Variants in IARS2 observed in about 807,000 individuals in gnomAD.
IARS2 encodes the protein isoleucyl-tRNA synthetase 2, mitochondrial.
Under a neutral mutation model 126.3 loss-of-function variants are expected in IARS2, and 56 were observed. That is an observed-to-expected ratio of 0.44 (90% CI 0.36 to 0.55). IARS2 has a LOEUF of 0.55. Ranked by LOEUF, IARS2 falls within the 20% of genes least tolerant of loss-of-function variation. IARS2 has a pLI of 0.00. For missense variants in IARS2, 1,127 were observed against 1,245.9 expected, an observed-to-expected ratio of 0.90 and a Z score of 1.44; for synonymous variants, 407 against 441.1, an observed-to-expected ratio of 0.92 and a Z score of 0.97.
At chr1:220,115,596 T>C (rs1449114609) in intron 12 of IARS2, among the ~76,000 whole-genome samples, 1 of 152,048 alleles carries the variant, frequency 6.6e-6, no homozygotes, top group Non-Finnish European at 1.5e-5. Context: ...TTATTATAAG[T>C]GATTTATAGT....
rs1657012173 is a variant in IARS2, at chr1:220,120,315, C to T, written c.1641-4922C>T. 2.6e-5 allele frequency among the ~76,000 whole-genome samples: 4 copies of T among 151,420 alleles called. No individual in the cohort carries two copies. The South Asian group carries it at 8.3e-4, about 31-fold the overall frequency. On this transcript the variant is annotated intron_variant, in intron 12 of 22. Transcript: ENST00000366922. ...CAGGCTGGTCTCGAACTCCCCACCT[C>T]AGGTGATCCGCCCGCCTCGGCCTCC...
At chr1:220,105,803 A>G in intron 8 of IARS2, 88 bp from the exon 9 acceptor site, 1 of 1,110,386 alleles carries the variant, frequency 9.0e-7, no homozygotes, top group Non-Finnish European at 1.3e-6. Flanking sequence ...TAGATTCTGC[A>G]CATTTAACCT....
chr1:220,131,861 G>A (rs545531985), intron 14 of IARS2, among the ~76,000 whole-genome samples: 85 of 145,662 alleles, frequency 5.8e-4, no homozygotes, highest in African/African-American at 2.0e-3. Context: ...GCAATGGCAC[G>A]ATCTCAGCTC....
chr1:220,147,074 GTTCC>G (rs1657611994), intron 22 of IARS2, among the ~76,000 whole-genome samples: 1 of 152,056 alleles, frequency 6.6e-6, no homozygotes, highest in South Asian at 2.1e-4. Context: ...GATATTTTTG[GTTCC>G]TTTTGTCCCA....
At chr1:220,135,364 G>T (rs780459374) in intron 15 of IARS2, among the ~76,000 whole-genome samples, 1 of 150,068 alleles carries the variant, frequency 6.7e-6, no homozygotes, top group South Asian at 2.1e-4. Flanking sequence ...CATTTCACAT[G>T]TTTCTTTTTT....
At chr1:220,134,254 T>G in intron 14 of IARS2, 148 bp from the exon 15 acceptor site, 1 of 563,112 alleles carries the variant, frequency 1.8e-6, no homozygotes, top group Non-Finnish European at 3.1e-6. Context: ...TTGGTCACTT[T>G]CTTGGTTAAG....
chr1:220,137,860 G>A, intron 16 of IARS2, 58 bp from the exon 17 acceptor site: 1 of 1,595,026 alleles, frequency 6.3e-7, no homozygotes, highest in South Asian at 1.1e-5. Context: ...TAAAACATTT[G>A]TTCGGCTAAT....
chr1:220,102,876 A>C, intron 7 of IARS2, 99 bp downstream of exon 7: 3 of 729,134 alleles, frequency 4.1e-6, no homozygotes, highest in Non-Finnish European at 7.0e-6. Flanking sequence ...TTATTGTAAA[A>C]TTTAATGAAT....
At position 220,096,458 on chromosome 1, in the gene IARS2, C is replaced by T. The variant is rs78887187; in HGVS notation, c.390+232C>T. On this transcript the variant is annotated intron_variant, in intron 2 of 22. Coordinates refer to ENST00000366922, the MANE Select transcript of IARS2 (RefSeq NM_018060.4). Reference sequence around the variant, plus strand: ...ATCATCTTATTCAGTGCATAATTATCGGGCGAGGCATTGTTCTAGAATCTG... The same window carrying T: ...ATCATCTTATTCAGTGCATAATTATTGGGCGAGGCATTGTTCTAGAATCTG... Among the ~76,000 whole-genome samples, 10,919 of 152,126 alleles carry T rather than the reference C, an allele frequency of 0.072. 524 individuals are homozygous for T. Among genetic ancestry groups the T allele is most frequent in the South Asian group, 0.15 (738 of 4,824 alleles).
chr1:220,097,907 C>T (rs748831371), intron 2 of IARS2, among the ~76,000 whole-genome samples: 3 of 150,980 alleles, frequency 2.0e-5, no homozygotes, highest in Non-Finnish European at 4.4e-5. Context: ...CAGAGTCTCA[C>T]GCTGTCACCC....
intron 15 of IARS2, among the ~76,000 whole-genome samples, chr1:220,135,549 G>T (rs957484712): frequency 1.3e-5 from 2 of 151,916 alleles, no homozygotes; most frequent in African/African-American, 4.8e-5. Flanking sequence ...TAATAGAGAC[G>T]GGATTTCACC....
At chr1:220,096,742 TG>T (rs1419334443) in intron 2 of IARS2, among the ~76,000 whole-genome samples, 1 of 152,152 alleles carries the variant, frequency 6.6e-6, no homozygotes, top group Non-Finnish European at 1.5e-5. Context: ...GGTCACTGAA[TG>T]GGTCAATAGT....
chr1:220,096,750 T>C (rs150880527), intron 2 of IARS2, among the ~76,000 whole-genome samples: 72 of 152,242 alleles, frequency 4.7e-4, no homozygotes, highest in African/African-American at 1.6e-3. Context: ...AATGGGTCAA[T>C]AGTGCTATTA....
At position 220,125,091 on chromosome 1, in the gene IARS2, A is replaced by G. The variant is rs1391009322; in HGVS notation, c.1641-146A>G. 1.2e-5 allele frequency: 6 copies of G among 486,948 alleles called. No individual in the cohort carries two copies. In the East Asian group the frequency reaches 1.8e-4, roughly 15 times the overall value. The allele number at this position is 486,948 out of a possible 1,614,324, so 30.2% of individuals were successfully genotyped here. A position where few individuals can be genotyped will look rare whatever the true frequency, so the allele number is the denominator to read the frequency against. On this transcript the variant is annotated intron_variant, in intron 12 of 22. Coordinates refer to ENST00000366922, the MANE Select transcript of IARS2 (RefSeq NM_018060.4). The stretch of plus-strand genomic sequence containing the variant: ...GATATGTATAATCAATTTTTTATTT[A>G]TATTGAATTTAAAATGATAGCAGCT...
intron 11 of IARS2, among the ~76,000 whole-genome samples, chr1:220,112,413 C>T (rs1462192090): frequency 1.6e-5 from 1 of 61,976 alleles, no homozygotes; most frequent in Non-Finnish European, 3.3e-5. Flanking sequence ...GGATTACAGG[C>T]GTGAGCCACC....
At chr1:220,099,108 A>G (rs1480681497) in intron 2 of IARS2, among the ~76,000 whole-genome samples, 4 of 151,234 alleles carry the variant, frequency 2.6e-5, no homozygotes, top group Non-Finnish European at 5.9e-5. Flanking sequence ...GCTACTTAGG[A>G]GGCTGAGGCA....
intron 14 of IARS2, among the ~76,000 whole-genome samples, chr1:220,133,049 C>T (rs1453632189): frequency 4.7e-5 from 7 of 150,240 alleles, no homozygotes; most frequent in African/African-American, 1.7e-4. Context: ...CTTACTCTGT[C>T]GCCCAGGCTA....
intron 14 of IARS2, among the ~76,000 whole-genome samples, chr1:220,130,965 A>T (rs1015571756): frequency 6.6e-6 from 1 of 152,052 alleles, no homozygotes; most frequent in Non-Finnish European, 1.5e-5. Context: ...TTTTATACCA[A>T]CACCATGCGT....
At chr1:220,144,349 A>G (rs943438635) in intron 21 of IARS2, 1 of 689,826 alleles carries the variant, frequency 1.4e-6, no homozygotes, top group Admixed American at 2.2e-5. Context: ...CATGCGCACC[A>G]TTGTGGTGGT....
Sources: allele counts gnomAD v4.1 joint callset (sites outside exome capture counted in the v4.1 genomes callset), GRCh38; gene constraint gnomAD v4.1.1; transcripts MANE v1.5; gene names NCBI Gene and HGNC (gene_info 2026-07-23, HGNC 2026-07-21).